RNLS: variants seen among roughly 807,000 people sequenced by gnomAD.
RNLS encodes the protein renalase, FAD dependent amine oxidase, also known as renalase.
Under a neutral mutation model 39.8 loss-of-function variants are expected in RNLS, and 39 were observed. The ratio of observed to expected loss-of-function variants is 0.98; its 90% confidence interval spans 0.76 to 1.28. RNLS has a LOEUF of 1.28. RNLS is among the 50% of genes most tolerant of loss of function. The probability of loss-of-function intolerance (pLI) is 0.00; values close to 1 mark genes in which losing one functional copy is unlikely to be tolerated. For synonymous variants in RNLS, 147 were observed against 150.7 expected, an observed-to-expected ratio of 0.98 and a Z score of 0.18; for missense variants, 410 against 413.3, an observed-to-expected ratio of 0.99 and a Z score of 0.07.
intron 4 of RNLS, among the ~76,000 whole-genome samples, chr10:88,411,856 T>G (rs1853677650): frequency 6.6e-6 from 1 of 151,820 alleles, no homozygotes; most frequent in Non-Finnish European, 1.5e-5. Context: ...CAGAAAAGAG[T>G]GTTCCAAGTA....
At chr10:88,405,396 T>C (rs1589737734) in intron 4 of RNLS, among the ~76,000 whole-genome samples, 1 of 152,230 alleles carries the variant, frequency 6.6e-6, no homozygotes, top group Non-Finnish European at 1.5e-5. Flanking sequence ...GGTGCATATA[T>C]GTTTAGGACT....
At chr10:88,441,256 T>G (rs1452139130) in intron 4 of RNLS, among the ~76,000 whole-genome samples, 2 of 152,182 alleles carry the variant, frequency 1.3e-5, no homozygotes, top group Admixed American at 6.5e-5. Flanking sequence ...CACTTGACTG[T>G]GCCTTCCTAT....
At chr10:88,263,745 C>T in the RNLS span, among the ~76,000 whole-genome samples, 1 of 152,162 alleles carries the variant, frequency 6.6e-6, no homozygotes, top group South Asian at 2.1e-4. Flanking sequence ...TTACTTTAGG[C>T]AGATGATTTA....
chr10:88,529,211 C>A (rs925090213), intron 4 of RNLS, among the ~76,000 whole-genome samples: 1 of 152,154 alleles, frequency 6.6e-6, no homozygotes, highest in East Asian at 1.9e-4. Context: ...GAAGGAGGAA[C>A]AGGGTATGCA....
downstream of RNLS, among the ~76,000 whole-genome samples, chr10:88,271,001 G>A (rs1243529082): frequency 6.6e-6 from 1 of 152,146 alleles, no homozygotes; most frequent in Non-Finnish European, 1.5e-5. Flanking sequence ...CTGGTGGCCT[G>A]TTTGATATTC....
Position 88,490,362 on chromosome 10 carries a change from A to G in RNLS, c.526+82541T>C, listed in dbSNP as rs193150400. On this transcript the variant is annotated intron_variant, in intron 4 of 6. Coordinates refer to ENST00000331772, the MANE Select transcript of RNLS (RefSeq NM_001031709.3). The stretch of plus-strand genomic sequence containing the variant: ...CTATTGCATAATTTTAAACTGAAAG[A>G]TTTTCATTAATCTTACCTCTGAACT... Among the ~76,000 whole-genome samples, 113 of 152,308 alleles carry G rather than the reference A, an allele frequency of 7.4e-4. 1 individual carries two copies. The highest frequency in any genetic ancestry group is 3.8e-3 in the Admixed American group (58 of 15,280).
intron 5 of RNLS, among the ~76,000 whole-genome samples, chr10:88,329,601 T>G (rs542015870): frequency 9.1e-4 from 139 of 152,244 alleles, no homozygotes; most frequent in African/African-American, 3.0e-3. Context: ...ATTCCCATTC[T>G]CTCTAACCTC....
At position 88,324,042 on chromosome 10, in the gene RNLS, A is replaced by G. The variant is rs913075419; in HGVS notation, c.701-9401T>C. Among the ~76,000 whole-genome samples the G allele has an allele frequency of 4.6e-5, 7 of 152,288 alleles. No homozygotes were observed. The East Asian group carries it at 5.8e-4, about 13-fold the overall frequency. ...CAAAATCGCAATGAGTTACCATCTC[A>G]CACCAGTCAGCATGGCTATTATTAA... On this transcript the variant is annotated intron_variant, in intron 5 of 6. Coordinates refer to ENST00000331772, the MANE Select transcript of RNLS (RefSeq NM_001031709.3).
intron 4 of RNLS, among the ~76,000 whole-genome samples, chr10:88,397,221 A>G (rs920081578): frequency 1.3e-5 from 2 of 151,990 alleles, no homozygotes; most frequent in Non-Finnish European, 2.9e-5. Context: ...GTTAGGCCAT[A>G]AAAAGAAGTT....
chr10:88,314,925 ATATAAT>A (rs1488748122), intron 5 of RNLS, among the ~76,000 whole-genome samples: 6 of 152,172 alleles, frequency 3.9e-5, no homozygotes, highest in African/African-American at 1.2e-4. Flanking sequence ...ACTGCCTTGG[ATATAAT>A]TATATTTAGG....
intron 4 of RNLS, among the ~76,000 whole-genome samples, chr10:88,410,464 G>A (rs1853585482): frequency 6.6e-6 from 1 of 152,044 alleles, no homozygotes; most frequent in Non-Finnish European, 1.5e-5. Flanking sequence ...TTGTTACTAA[G>A]TTCAAACAAG....
chr10:88,294,059 G>A (rs916151954), intron 6 of RNLS, among the ~76,000 whole-genome samples: 3 of 152,158 alleles, frequency 2.0e-5, no homozygotes, highest in Non-Finnish European at 4.4e-5. Flanking sequence ...CTAAGGGTTG[G>A]AGGAAAATAG....
intron 4 of RNLS, among the ~76,000 whole-genome samples, chr10:88,537,873 T>C (rs1486799611): frequency 6.6e-6 from 1 of 152,156 alleles, no homozygotes; most frequent in East Asian, 1.9e-4. Context: ...ATATTATATT[T>C]GAATAAAAAG....
chr10:88,425,246 T>C lies in RNLS; in HGVS notation c.527-62521A>G, dbSNP rs1589770132. Among the ~76,000 whole-genome samples, 6 of 152,276 alleles carry C rather than the reference T, an allele frequency of 3.9e-5. No homozygotes were observed. In the Middle Eastern group the frequency reaches 0.02, roughly 518 times the overall value. On this transcript the variant is annotated intron_variant, in intron 4 of 6. Transcript: ENST00000331772. The stretch of plus-strand genomic sequence containing the variant: ...CGTTTTGTTTTGAAATGTTTCATTG[T>C]AAAATAAACAATTCTTCAGTAGAGT...
rs138491094 is a variant in RNLS at position 88,396,380 on chromosome 10, A to T, written c.527-33655T>A. Reference sequence around the variant, plus strand: ...GGAGCAGAGGTTTGGTATACTATTGAAATTAAGTTCATATTAATCCAAACT... The same window carrying T: ...GGAGCAGAGGTTTGGTATACTATTGTAATTAAGTTCATATTAATCCAAACT... On this transcript the variant is annotated intron_variant, in intron 4 of 6. Coordinates refer to ENST00000331772, the MANE Select transcript of RNLS (RefSeq NM_001031709.3). 3.6e-3 allele frequency among the ~76,000 whole-genome samples: 550 copies of T among 152,048 alleles called. 3 individuals are homozygous for T. Among genetic ancestry groups the T allele is most frequent in the African/African-American group, 0.013 (524 of 41,540 alleles).
At chr10:88,343,440 G>A in intron 5 of RNLS, 2 of 721,100 alleles carry the variant, frequency 2.8e-6, no homozygotes, top group Non-Finnish European at 3.4e-6. Flanking sequence ...AGATGGGGGA[G>A]GAAAAAGTTC....
chr10:88,383,960 A>G (rs751394727), intron 4 of RNLS, among the ~76,000 whole-genome samples: 3 of 152,154 alleles, frequency 2.0e-5, no homozygotes, highest in Non-Finnish European at 4.4e-5. Context: ...TCACTCTCCC[A>G]CAATAAAAGA....
At chr10:88,516,003 A>G (rs1846386528) in intron 4 of RNLS, among the ~76,000 whole-genome samples, 1 of 152,066 alleles carries the variant, frequency 6.6e-6, no homozygotes, top group Admixed American at 6.6e-5. Context: ...GAAATACACC[A>G]AGGATGCACA....
chr10:88,187,777 G>A, the RNLS span, among the ~76,000 whole-genome samples: 3 of 152,228 alleles, frequency 2.0e-5, no homozygotes, highest in African/African-American at 7.2e-5. Flanking sequence ...TGTCTTGAGG[G>A]AACTTGAATA....
Sources: gnomAD v4.1 joint callset for allele counts (sites outside exome capture counted in the v4.1 genomes callset) on GRCh38, gnomAD v4.1.1 for gene constraint, MANE v1.5 for transcripts, NCBI Gene and HGNC (gene_info 2026-07-23, HGNC 2026-07-21) for gene names.